HDAC8: variants seen among roughly 807,000 people sequenced by gnomAD.
HDAC8 encodes the protein histone deacetylase-like 1.
A neutral mutation model predicts 32.2 loss-of-function variants in HDAC8; 1 was observed. That is an observed-to-expected ratio of 0.03 (90% CI 0.01 to 0.15). The LOEUF (loss-of-function observed/expected upper bound fraction) is 0.15, where lower values mean the gene tolerates loss of function less well. HDAC8 is among the 10% of genes least tolerant of loss of function. The pLI, the probability that HDAC8 is intolerant of heterozygous loss-of-function variation, is 1.00. For synonymous variants in HDAC8, 108 were observed against 113.9 expected (o/e 0.95, Z 0.33); for missense variants, 117 against 300.0 (o/e 0.39, Z 4.51).
chrX:72,373,791 C>T (rs2044960372), intron 9 of HDAC8, among the ~76,000 whole-genome samples: 1 of 112,178 alleles, frequency 8.9e-6, no homozygotes, highest in South Asian at 3.7e-4. Flanking sequence ...AAAGTGGCTG[C>T]ACCATTTGAT....
intron 9 of HDAC8, among the ~76,000 whole-genome samples, chrX:72,366,345 C>T (rs1229468292): frequency 7.1e-5 from 8 of 112,158 alleles, no homozygotes; most frequent in Non-Finnish European, 1.5e-4. Flanking sequence ...TGGGCTACGG[C>T]CCCTAAACTG....
chrX:72,563,209 A>G (rs1380287031), intron 4 of HDAC8, among the ~76,000 whole-genome samples: 1 of 111,589 alleles, frequency 9.0e-6, no homozygotes, highest in Admixed American at 9.5e-5. Flanking sequence ...TGACACACAT[A>G]AAGTATTTAT....
intron 9 of HDAC8, among the ~76,000 whole-genome samples, chrX:72,422,549 C>G (rs1602760759): frequency 9.0e-6 from 1 of 111,632 alleles, no homozygotes; most frequent in African/African-American, 3.3e-5. Flanking sequence ...CCTGAACATG[C>G]AAGTTTCCCT....
rs1053542570 is a variant in HDAC8 at position 72,348,707 on chromosome X, C to T, written c.1111+3026G>A. On this transcript the variant is annotated intron_variant, in intron 10 of 10. Transcript: ENST00000373573. ...CTGTAGCCACTCCACTTGCTGTCTA[C>T]CCTCTCTGGCTCCTCCTCACCCACT... 2.7e-5 allele frequency among the ~76,000 whole-genome samples: 3 copies of T among 111,807 alleles called. No homozygotes were observed. In the Admixed American group the frequency reaches 2.8e-4, roughly 11 times the overall value.
intron 9 of HDAC8, among the ~76,000 whole-genome samples, chrX:72,461,152 T>A (rs1198509085): frequency 1.8e-5 from 2 of 112,043 alleles, no homozygotes; most frequent in African/African-American, 6.5e-5. Context: ...CAAAGCAGCA[T>A]CCCTAATCCT....
At chrX:72,445,886 A>G (rs1170728580) in intron 9 of HDAC8, among the ~76,000 whole-genome samples, 6 of 112,329 alleles carry the variant, frequency 5.3e-5, no homozygotes, top group Middle Eastern at 4.6e-3. Flanking sequence ...ATATGAACAG[A>G]CACTTCTCAA....
intron 10 of HDAC8, among the ~76,000 whole-genome samples, chrX:72,349,838 C>T (rs1360852400): frequency 8.9e-6 from 1 of 111,779 alleles, no homozygotes; most frequent in Non-Finnish European, 1.9e-5. Context: ...CACATATCTG[C>T]ACATATGGAG....
chrX:72,433,955 T>G (rs1270873686), intron 9 of HDAC8, among the ~76,000 whole-genome samples: 1 of 112,634 alleles, frequency 8.9e-6, no homozygotes, highest in Non-Finnish European at 1.9e-5. Context: ...TAAATGTTAA[T>G]TCTTTTCTTT....
chrX:72,437,997 G>A (rs192091986), intron 9 of HDAC8, among the ~76,000 whole-genome samples: 1 of 112,108 alleles, frequency 8.9e-6, no homozygotes, highest in East Asian at 2.8e-4. Context: ...CTCTGCTAAG[G>A]GTCAGACTGC....
At chrX:72,465,845 T>A (rs2048003385) in intron 7 of HDAC8, among the ~76,000 whole-genome samples, 1 of 111,842 alleles carries the variant, frequency 8.9e-6, no homozygotes, top group Non-Finnish European at 1.9e-5. Context: ...AATCCATATG[T>A]AACAAGGGTA....
intron 9 of HDAC8, among the ~76,000 whole-genome samples, chrX:72,431,513 T>C (rs979040532): frequency 9.0e-6 from 1 of 111,711 alleles, no homozygotes; most frequent in Non-Finnish European, 1.9e-5. Context: ...AACATTCTTG[T>C]ACATCCTTCT....
chrX:72,421,456 T>C lies in HDAC8; in HGVS notation c.1005+40548A>G, dbSNP rs782435640. On this transcript the variant is annotated intron_variant, in intron 9 of 10. Coordinates refer to ENST00000373573, the MANE Select transcript of HDAC8 (RefSeq NM_018486.3). The stretch of plus-strand genomic sequence containing the variant: ...TGTTGGGGAAAAAAGTGAGAACATG[T>C]GGTGTTTGGTTTTCTGTTCTTGTAT... 3.5e-4 allele frequency among the ~76,000 whole-genome samples: 39 copies of C among 111,561 alleles called. 1 individual carries two copies. Among genetic ancestry groups the C allele is most frequent in the African/African-American group, 1.2e-3 (36 of 30,765 alleles).
intron 9 of HDAC8, among the ~76,000 whole-genome samples, chrX:72,451,356 C>T (rs920584268): frequency 2.7e-5 from 3 of 111,354 alleles, no homozygotes; most frequent in African/African-American, 9.8e-5. Flanking sequence ...GCCACCACAC[C>T]GGGCTTCTTT....
chrX:72,337,637 T>C (rs979278251), intron 10 of HDAC8, among the ~76,000 whole-genome samples: 1 of 111,546 alleles, frequency 9.0e-6, no homozygotes, highest in Non-Finnish European at 1.9e-5. Context: ...GCCTCAAGAC[T>C]GGTCTCCTTG....
intron 9 of HDAC8, among the ~76,000 whole-genome samples, chrX:72,382,036 C>G (rs2045279498): frequency 8.9e-6 from 1 of 112,406 alleles, no homozygotes; most frequent in African/African-American, 3.2e-5. Context: ...AATATTTCAT[C>G]TGACATTTGG....
chrX:72,373,361 C>G (rs782741607), intron 9 of HDAC8, among the ~76,000 whole-genome samples: 17 of 112,428 alleles, frequency 1.5e-4, no homozygotes, highest in South Asian at 1.1e-3. Context: ...AACCTCATAT[C>G]CACTGAGCAT....
intron 9 of HDAC8, among the ~76,000 whole-genome samples, chrX:72,398,743 GT>G (rs1259087121): frequency 1.2e-4 from 13 of 106,547 alleles, no homozygotes; most frequent in Non-Finnish European, 1.8e-4. Flanking sequence ...TCACTTTAGG[GT>G]TTTTTTTTCT....
chrX:72,446,992 C>A (rs1394775546), intron 9 of HDAC8, among the ~76,000 whole-genome samples: 2 of 111,761 alleles, frequency 1.8e-5, no homozygotes, highest in Non-Finnish European at 3.8e-5. Flanking sequence ...GGATTCATAG[C>A]CGAATTCTAC....
At chrX:72,562,418 A>G (rs937540268) in intron 4 of HDAC8, among the ~76,000 whole-genome samples, 9 of 112,371 alleles carry the variant, frequency 8.0e-5, no homozygotes, top group African/African-American at 2.6e-4. Context: ...TTCTAAGTGA[A>G]GTAACTCAGG....
Sources: gnomAD v4.1 joint callset for allele counts (sites outside exome capture counted in the v4.1 genomes callset) on GRCh38, gnomAD v4.1.1 for gene constraint, MANE v1.5 for transcripts, NCBI Gene and HGNC (gene_info 2026-07-23, HGNC 2026-07-21) for gene names.